TM9SF3: variants seen among roughly 807,000 people sequenced by gnomAD.
TM9SF3 encodes transmembrane 9 superfamily member 3.
A neutral mutation model predicts 78.6 loss-of-function variants in TM9SF3; 14 were observed. The observed-to-expected ratio is 0.18, with a 90% CI of 0.12 to 0.28. TM9SF3 has a LOEUF of 0.28. TM9SF3 is among the 10% of genes least tolerant of loss of function. The pLI is 1.00. For missense variants in TM9SF3, 496 were observed against 721.9 expected (o/e 0.69, Z 3.59); for synonymous variants, 231 against 241.7 (o/e 0.96, Z 0.41).
chr10:96,541,645 T>C (rs932230436), intron 9 of TM9SF3, among the ~76,000 whole-genome samples: 2 of 152,142 alleles, frequency 1.3e-5, no homozygotes, highest in Non-Finnish European at 2.9e-5. Context: ...CAGCCTCCCA[T>C]GCTGGAATTA....
intron 2 of TM9SF3, among the ~76,000 whole-genome samples, chr10:96,575,082 A>G (rs1425582893): frequency 6.6e-6 from 1 of 151,960 alleles, no homozygotes; most frequent in Admixed American, 6.6e-5. Flanking sequence ...AAAAAAAAAA[A>G]GATTGCTGAA....
In TM9SF3 at chr10:96,576,693, A is replaced by G; in HGVS notation, c.239T>C (p.Leu80Pro). 6.2e-7 allele frequency: 1 copy of G among 1,610,066 alleles called. No homozygotes were observed. Among genetic ancestry groups the G allele is most frequent in the East Asian group, 2.2e-5 (1 of 44,698 alleles). Residue 80 changes from leucine to proline, a missense_variant, in exon 2 of 15, where the codon CTG (leucine) becomes CCG (proline). Leu to Pro is a moderately conservative substitution (Grantham distance 98, BLOSUM62 -3). This residue lies in a region of TM9SF3 where 155 missense variants were observed against 241.6 expected (regional missense o/e 0.64). Transcript: ENST00000371142. ...TTCAACCCCTTGAAGTGCTTCTCCCAGAGTTTCATGGTAATGACTGATACT... is the reference window on the plus strand; with the variant it reads ...TTCAACCCCTTGAAGTGCTTCTCCCGGAGTTTCATGGTAATGACTGATACT... ...KKSISHYHET[L>P]GEALQGVELE... is the part of the protein sequence containing the mutation.
At chr10:96,576,059 GATAA>G (rs1268096841) in intron 2 of TM9SF3, among the ~76,000 whole-genome samples, 1 of 152,104 alleles carries the variant, frequency 6.6e-6, no homozygotes, top group African/African-American at 2.4e-5. Context: ...ATACAACACT[GATAA>G]ATAATACATG....
At position 96,520,020 on chromosome 10, in the gene TM9SF3, T is replaced by C. The variant is rs1180658728; in HGVS notation, c.*2243A>G. 6.6e-6 allele frequency: 1 copy of C among 151,944 alleles called. No individual in the cohort carries two copies. The highest frequency in any genetic ancestry group is 2.4e-5 in the African/African-American group (1 of 41,440). 9.4% of individuals were successfully genotyped at this position (151,944 alleles called of 1,614,324 possible). ...TAACCCACACATTTTCAATAAACCC[T>C]ACATCTTACCTGCAAGATTCATATC... is the stretch of plus-strand genomic sequence containing the variant. On this transcript the variant is annotated 3_prime_UTR_variant, in exon 15 of 15. Transcript: ENST00000371142.
At chr10:96,578,501 G>A (rs1007747740) in intron 1 of TM9SF3, among the ~76,000 whole-genome samples, 1 of 152,182 alleles carries the variant, frequency 6.6e-6, no homozygotes, top group African/African-American at 2.4e-5. Context: ...TGTTTCAAGG[G>A]AGTTCAGAAA....
intron 1 of TM9SF3, among the ~76,000 whole-genome samples, chr10:96,580,770 T>C (rs1338030828): frequency 1.3e-5 from 2 of 152,222 alleles, no homozygotes; most frequent in Non-Finnish European, 2.9e-5. Flanking sequence ...ATACATACTA[T>C]GAGCTAGGTA....
chr10:96,525,721 G>A (rs569115577), intron 14 of TM9SF3, among the ~76,000 whole-genome samples: 2 of 152,052 alleles, frequency 1.3e-5, no homozygotes, highest in South Asian at 2.1e-4. Context: ...GATTAGTCCC[G>A]CAGCCTTACA....
intron 2 of TM9SF3, among the ~76,000 whole-genome samples, chr10:96,573,134 A>C (rs1355467873): frequency 1.3e-5 from 2 of 152,244 alleles, no homozygotes; most frequent in Non-Finnish European, 2.9e-5. Context: ...GAATCTTTAA[A>C]AGTCAAATAT....
intron 9 of TM9SF3, among the ~76,000 whole-genome samples, chr10:96,536,815 T>C (rs149401987): frequency 6.6e-6 from 1 of 152,344 alleles, no homozygotes; most frequent in African/African-American, 2.4e-5. Flanking sequence ...AGACAGGGTC[T>C]CACTATATTA....
chr10:96,585,859 C>T (rs1848622759), intron 1 of TM9SF3, among the ~76,000 whole-genome samples: 2 of 152,208 alleles, frequency 1.3e-5, no homozygotes, highest in Admixed American at 1.3e-4. Flanking sequence ...CTCAAGTCTA[C>T]CACTCTGAAA....
At chr10:96,581,605 GACA>G (rs1211122246) in intron 1 of TM9SF3, among the ~76,000 whole-genome samples, 1 of 152,116 alleles carries the variant, frequency 6.6e-6, no homozygotes, top group Non-Finnish European at 1.5e-5. Flanking sequence ...CTGAAAATAG[GACA>G]ACGAATTACG....
chr10:96,573,614 T>C (rs1848463400), intron 2 of TM9SF3, among the ~76,000 whole-genome samples: 1 of 152,120 alleles, frequency 6.6e-6, no homozygotes, highest in African/African-American at 2.4e-5. Flanking sequence ...ATCCCACTTC[T>C]TTACCCATGA....
chr10:96,549,531 C>T (rs1316969453), intron 7 of TM9SF3, among the ~76,000 whole-genome samples: 3 of 151,986 alleles, frequency 2.0e-5, no homozygotes, highest in African/African-American at 7.2e-5. Flanking sequence ...AGAATATTTC[C>T]TTCATAGGGT....
At chr10:96,560,364 T>G (rs187955606) in intron 4 of TM9SF3, 96 of 739,246 alleles carry the variant, frequency 1.3e-4, no homozygotes, top group Admixed American at 4.0e-4. Context: ...TGCATATTGT[T>G]GAAGCAGAGG....
chr10:96,561,032 T>C (rs1205464391), intron 4 of TM9SF3: 7 of 344,474 alleles, frequency 2.0e-5, no homozygotes, highest in Admixed American at 8.7e-5. Context: ...GACTGAAGTC[T>C]TCTATTTTAA....
At chr10:96,553,455 T>A (rs555350915) in intron 5 of TM9SF3, among the ~76,000 whole-genome samples, 1 of 152,326 alleles carries the variant, frequency 6.6e-6, no homozygotes, top group African/African-American at 2.4e-5. Flanking sequence ...GAGGAGCTAA[T>A]ACTTATCTTG....
chr10:96,530,915 A>AT (rs772582877), intron 10 of TM9SF3, among the ~76,000 whole-genome samples: 22 of 152,316 alleles, frequency 1.4e-4, no homozygotes, highest in Non-Finnish European at 2.9e-4. Context: ...CTAGACTCCC[A>AT]TAACTTCTTA....
chr10:96,536,666 G>A (rs1339424653), intron 9 of TM9SF3, among the ~76,000 whole-genome samples: 2 of 152,130 alleles, frequency 1.3e-5, no homozygotes, highest in African/African-American at 4.8e-5. Context: ...CCCTGAGACA[G>A]CATCCCTGAG....
At chr10:96,582,865 A>C (rs1288316145) in intron 1 of TM9SF3, among the ~76,000 whole-genome samples, 1 of 152,186 alleles carries the variant, frequency 6.6e-6, no homozygotes, top group South Asian at 2.1e-4. Flanking sequence ...GGATCACCTG[A>C]TATCAGGAGT....
Sources: allele counts gnomAD v4.1 joint callset (sites outside exome capture counted in the v4.1 genomes callset), GRCh38; gene constraint gnomAD v4.1.1; regional missense constraint gnomAD v4.1.1; transcripts MANE v1.5; gene names NCBI Gene and HGNC (gene_info 2026-07-23, HGNC 2026-07-21).